Variants in RSPH14 observed in about 807,000 individuals in gnomAD.
RSPH14 encodes the protein rhabdoid tumor deletion region gene 1.
RSPH14 carries 20 observed loss-of-function variants against 26.7 expected under a neutral mutation model. The ratio of observed to expected loss-of-function variants is 0.75; its 90% confidence interval spans 0.53 to 1.09. The LOEUF is 1.09. RSPH14 is among the 50% of genes least tolerant of loss of function. The pLI is 0.00. For synonymous variants in RSPH14, 177 were observed against 189.3 expected, an observed-to-expected ratio of 0.93 and a Z score of 0.53; for missense variants, 449 against 457.2, an observed-to-expected ratio of 0.98 and a Z score of 0.16.
chr22:23,166,264 G>T, the RSPH14 span, among the ~76,000 whole-genome samples: 1 of 147,534 alleles, frequency 6.8e-6, no homozygotes, highest in African/African-American at 2.5e-5. Flanking sequence ...CCAAAATGGG[G>T]CATTTTGGCC....
the RSPH14 span, among the ~76,000 whole-genome samples, chr22:23,151,189 C>T: frequency 2.0e-5 from 3 of 152,140 alleles, no homozygotes; most frequent in Non-Finnish European, 2.9e-5. Context: ...TCAGAATAGC[C>T]GAAGTGGCCA....
At chr22:23,064,677 A>T (rs2068166306) in intron 4 of RSPH14, among the ~76,000 whole-genome samples, 1 of 152,126 alleles carries the variant, frequency 6.6e-6, no homozygotes, top group Non-Finnish European at 1.5e-5. Context: ...TGTCACACTC[A>T]CCAAAAAGAG....
chr22:23,077,884 C>T (rs937986421), intron 4 of RSPH14, among the ~76,000 whole-genome samples: 3 of 152,232 alleles, frequency 2.0e-5, no homozygotes, highest in Admixed American at 1.3e-4. Flanking sequence ...ACTCCTCTTG[C>T]ACCCCCACAC....
At chr22:23,123,082 C>G (rs377486881) in intron 4 of RSPH14, 1 of 1,604,368 alleles carries the variant, frequency 6.2e-7, no homozygotes, top group Non-Finnish European at 8.5e-7. Context: ...CTTTCCTTTC[C>G]CCAGAGTCGG....
the RSPH14 span, among the ~76,000 whole-genome samples, chr22:23,173,628 TGTTTTTTG>T: frequency 3.3e-5 from 4 of 120,584 alleles, no homozygotes; most frequent in African/African-American, 1.3e-4. Flanking sequence ...TTTGGTTTTT[TGTTTTTTG>T]TTTTTTTTTT....
the RSPH14 span, among the ~76,000 whole-genome samples, chr22:23,160,288 G>A: frequency 2.6e-5 from 4 of 152,168 alleles, no homozygotes; most frequent in African/African-American, 9.7e-5. Flanking sequence ...GAGTAACAGT[G>A]AGTTCACCGA....
At chr22:23,101,713 ATGACCC>A (rs1412503047) in intron 4 of RSPH14, among the ~76,000 whole-genome samples, 1 of 152,204 alleles carries the variant, frequency 6.6e-6, no homozygotes, top group Non-Finnish European at 1.5e-5. Flanking sequence ...TCAAGTTATC[ATGACCC>A]TGGAACAGCA....
chr22:23,180,127 T>C, the RSPH14 span: 1 of 254,890 alleles, frequency 3.9e-6, no homozygotes, highest in Non-Finnish European at 7.7e-6. Context: ...TCCCGGAACA[T>C]GAGGTAGGTG....
the RSPH14 span, among the ~76,000 whole-genome samples, chr22:23,166,649 C>T: frequency 6.6e-6 from 1 of 152,160 alleles, no homozygotes; most frequent in Non-Finnish European, 1.5e-5. Flanking sequence ...GCTGCATCCC[C>T]AGCACCAGCC....
At chr22:23,150,256 T>C in the RSPH14 span, 18 of 952,226 alleles carry the variant, frequency 1.9e-5, no homozygotes, top group Non-Finnish European at 2.9e-5. Context: ...ACGAGGCTGG[T>C]GCAGCCCTGT....
intron 4 of RSPH14, among the ~76,000 whole-genome samples, chr22:23,078,275 C>G (rs192806497): frequency 3.9e-5 from 6 of 152,378 alleles, no homozygotes; most frequent in African/African-American, 1.4e-4. Context: ...ATCAAACTCT[C>G]TTTGTCCTCG....
At chr22:23,149,384 G>A (rs1334253327), upstream of RSPH14, among the ~76,000 whole-genome samples, 2 of 152,172 alleles carry the variant, frequency 1.3e-5, no homozygotes, top group Non-Finnish European at 2.9e-5. Flanking sequence ...GAGGGTGGGT[G>A]GGGTACGTGC....
chr22:23,176,333 A>C, the RSPH14 span, among the ~76,000 whole-genome samples: 1 of 152,222 alleles, frequency 6.6e-6, no homozygotes, highest in Admixed American at 6.5e-5. Flanking sequence ...CACTCTCATT[A>C]TCTCAAGTAG....
chr22:23,078,818 C>T (rs1741902976), intron 4 of RSPH14, among the ~76,000 whole-genome samples: 1 of 152,212 alleles, frequency 6.6e-6, no homozygotes, highest in Non-Finnish European at 1.5e-5. Context: ...AGCCCAGCCC[C>T]AAAGGGCTTA....
At chr22:23,102,888 G>T (rs937133429) in intron 4 of RSPH14, among the ~76,000 whole-genome samples, 1 of 152,218 alleles carries the variant, frequency 6.6e-6, no homozygotes, top group Non-Finnish European at 1.5e-5. Context: ...AGATCTCTCA[G>T]ACAAGTGTTC....
chr22:23,113,739 AGAAGTCTGG>A (rs1168425603), intron 4 of RSPH14, among the ~76,000 whole-genome samples: 6 of 152,194 alleles, frequency 3.9e-5, no homozygotes, highest in African/African-American at 1.4e-4. Context: ...TCCCCACTAG[AGAAGTCTGG>A]GAATGCCTGT....
chr22:23,160,933 C>CTT, the RSPH14 span: 1 of 1,613,858 alleles, frequency 6.2e-7, no homozygotes, highest in Non-Finnish European at 8.5e-7. Flanking sequence ...TTCGAGCAGT[C>CTT]GGTGCTGCAG....
intron 3 of RSPH14, 115 bp downstream of exon 3, chr22:23,138,725 C>CAA: frequency 3.4e-6 from 3 of 871,666 alleles, no homozygotes; most frequent in Non-Finnish European, 3.5e-6. Flanking sequence ...GAAGCCCCTG[C>CAA]AAAAACTGAT....
upstream of RSPH14, chr22:23,145,350 G>A (rs528739329): frequency 3.8e-5 from 61 of 1,601,034 alleles, no homozygotes; most frequent in Non-Finnish European, 4.8e-5. Context: ...CAGACTCCAG[G>A]CAGGTTCTCG....
Sources: allele counts gnomAD v4.1 joint callset (sites outside exome capture counted in the v4.1 genomes callset), GRCh38; gene constraint gnomAD v4.1.1; transcripts MANE v1.5; gene names NCBI Gene and HGNC (gene_info 2026-07-23, HGNC 2026-07-21).